The following JHY variants were observed in gnomAD, a reference collection of about 807,000 sequenced individuals.
JHY encodes jhy protein homolog.
JHY carries 69 observed loss-of-function variants against 78.0 expected under a neutral mutation model. The ratio of observed to expected loss-of-function variants is 0.88; its 90% CI spans 0.73 to 1.08. JHY has a LOEUF of 1.08. Among genes scored for constraint, JHY ranks in the 50% least tolerant of loss-of-function variants. The probability of loss-of-function intolerance (pLI) is 0.00; values close to 1 mark genes in which losing one functional copy is unlikely to be tolerated. For missense variants in JHY, 944 were observed against 927.8 expected, an observed-to-expected ratio of 1.02 and a Z score of -0.23; for synonymous variants, 368 against 342.6, an observed-to-expected ratio of 1.07 and a Z score of -0.82.
chr11:122,953,912 G>A (rs531021501), intron 6 of JHY, among the ~76,000 whole-genome samples: 16 of 152,270 alleles, frequency 1.1e-4, no homozygotes, highest in African/African-American at 3.9e-4. Flanking sequence ...TTCTAATGGG[G>A]CAAATTCTAT....
chr11:122,901,838 A>G (rs959574915), intron 2 of JHY, among the ~76,000 whole-genome samples: 7 of 151,470 alleles, frequency 4.6e-5, no homozygotes, highest in African/African-American at 1.7e-4. Context: ...GCGCCACTGC[A>G]CTCCAGCCTG....
At chr11:122,951,990 C>CTT (rs768377869) in intron 6 of JHY, among the ~76,000 whole-genome samples, 9 of 133,458 alleles carry the variant, frequency 6.7e-5, no homozygotes, top group African/African-American at 1.9e-4. Context: ...TGTTGATTTA[C>CTT]TTTTTTTTTT....
At position 122,934,935 on chromosome 11, in the gene JHY, A is replaced by G. The variant is rs1298885446; in HGVS notation, c.1494A>G (p.Glu498=). The part of the protein sequence containing the change: ...LSDMDLNNLN[E]LSKRHVLLSQ... ...ACATGGATTTGAACAACCTTAATGA[A>G]CTTTCTAAGAGACACGTGCTCCTGA... The change falls in exon 5 of 9, where the codon GAA becomes GAG. Residue 498 remains glutamate, a synonymous_variant. Coordinates refer to ENST00000227349, the MANE Select transcript of JHY (RefSeq NM_024806.4). The G allele has an allele frequency of 6.2e-7, 1 of 1,614,128 alleles. No homozygotes were observed. The highest frequency in any genetic ancestry group is 2.2e-5 in the East Asian group (1 of 44,872).
intron 6 of JHY, among the ~76,000 whole-genome samples, chr11:122,951,800 C>G (rs1864092220): frequency 6.6e-6 from 1 of 152,166 alleles, no homozygotes; most frequent in Non-Finnish European, 1.5e-5. Context: ...AGTGTGAACA[C>G]CAGTGCAGAG....
At chr11:122,952,672 C>A (rs1160951005) in intron 6 of JHY, among the ~76,000 whole-genome samples, 1 of 152,186 alleles carries the variant, frequency 6.6e-6, no homozygotes, top group African/African-American at 2.4e-5. Flanking sequence ...GGCAATTATT[C>A]ATGCATCACA....
chr11:122,961,889 G>A lies in JHY; in HGVS notation c.*2444G>A, dbSNP rs749617633. ...GTTCTAACAGAGCATCAAGACATTA[G>A]TTAGAAACCCTCCAACAAGTCCAGA... On this transcript the variant is annotated 3_prime_UTR_variant, in exon 9 of 9. Coordinates refer to ENST00000227349, the MANE Select transcript of JHY (RefSeq NM_024806.4). Among the ~76,000 whole-genome samples the A allele has an allele frequency of 6.6e-6, 1 of 152,152 alleles. No homozygotes were observed. Among genetic ancestry groups the A allele is most frequent in the Non-Finnish European group, 1.5e-5 (1 of 68,028 alleles).
intron 2 of JHY, among the ~76,000 whole-genome samples, chr11:122,893,414 T>G (rs1161872047): frequency 6.6e-6 from 1 of 152,210 alleles, no homozygotes; most frequent in East Asian, 1.9e-4. Flanking sequence ...CCAGAAATGC[T>G]AAAGCCATAG....
At chr11:122,950,116 G>C (rs1479524295) in intron 6 of JHY, among the ~76,000 whole-genome samples, 1 of 152,136 alleles carries the variant, frequency 6.6e-6, no homozygotes, top group Non-Finnish European at 1.5e-5. Context: ...TTACAGGTGT[G>C]AGCCACTGCG....
chr11:122,915,446 G>T (rs539291403), intron 3 of JHY, among the ~76,000 whole-genome samples: 1 of 152,168 alleles, frequency 6.6e-6, no homozygotes, highest in African/African-American at 2.4e-5. Flanking sequence ...GTCAGAGGGG[G>T]CCTCACACAA....
intron 7 of JHY, among the ~76,000 whole-genome samples, chr11:122,956,879 C>G (rs985360144): frequency 1.4e-4 from 21 of 152,242 alleles, no homozygotes; most frequent in African/African-American, 5.1e-4. Context: ...GTCTTTCCTA[C>G]TAGAGTTATC....
chr11:122,884,721 T>C (rs1286325741), intron 1 of JHY, among the ~76,000 whole-genome samples: 1 of 152,186 alleles, frequency 6.6e-6, no homozygotes, highest in African/African-American at 2.4e-5. Flanking sequence ...TAGCATCCCG[T>C]TCGGTAATGT....
intron 6 of JHY, among the ~76,000 whole-genome samples, chr11:122,955,216 G>A (rs1864163970): frequency 6.6e-6 from 1 of 152,142 alleles, no homozygotes; most frequent in African/African-American, 2.4e-5. Context: ...CGCTTCCCGG[G>A]TTCAAGCGAT....
At chr11:122,892,107 T>A (rs1862628855) in intron 2 of JHY, among the ~76,000 whole-genome samples, 1 of 152,142 alleles carries the variant, frequency 6.6e-6, no homozygotes, top group Admixed American at 6.6e-5. Flanking sequence ...TCAGCACTTG[T>A]CCTGGGAAAC....
chr11:122,954,174 G>A (rs1446123910), intron 6 of JHY, among the ~76,000 whole-genome samples: 1 of 152,198 alleles, frequency 6.6e-6, no homozygotes, highest in Non-Finnish European at 1.5e-5. Context: ...CAGTATTGTT[G>A]TGATTCTCCT....
intron 4 of JHY, among the ~76,000 whole-genome samples, chr11:122,928,331 A>G (rs1863556512): frequency 1.3e-5 from 2 of 152,160 alleles, no homozygotes; most frequent in African/African-American, 4.8e-5. Flanking sequence ...ATGCAGATAA[A>G]AAGATTATTT....
At chr11:122,958,619 A>G in intron 8 of JHY, 1 of 612,542 alleles carries the variant, frequency 1.6e-6, no homozygotes, top group Non-Finnish European at 2.0e-6. Context: ...ACATCTTACT[A>G]AAATGCAAAA....
At chr11:122,931,840 G>C (rs1256225809) in intron 4 of JHY, among the ~76,000 whole-genome samples, 1 of 152,066 alleles carries the variant, frequency 6.6e-6, no homozygotes, top group Non-Finnish European at 1.5e-5. Context: ...ACAGGGTCGG[G>C]GACAAACTTC....
chr11:122,962,487 A>G lies in JHY; in HGVS notation c.*3042A>G, dbSNP rs148189192. 1.3e-5 allele frequency among the ~76,000 whole-genome samples: 2 copies of G among 152,242 alleles called. No homozygotes were observed. Among genetic ancestry groups the G allele is most frequent in the South Asian group, 2.1e-4 (1 of 4,830 alleles). ...TTCAGTGGGATTTGGAAAATGTAAT[A>G]TATGAGGCATTAGACAGGAAAATCA... On this transcript the variant is annotated 3_prime_UTR_variant, in exon 9 of 9. Transcript: ENST00000227349.
chr11:122,905,200 G>C, intron 3 of JHY: 2 of 1,613,978 alleles, frequency 1.2e-6, no homozygotes, highest in Non-Finnish European at 1.7e-6. Flanking sequence ...TCTCTCCCAC[G>C]TGATGGATTC....
Sources: gnomAD v4.1 joint callset for allele counts (sites outside exome capture counted in the v4.1 genomes callset) on GRCh38, gnomAD v4.1.1 for gene constraint, MANE v1.5 for transcripts, NCBI Gene and HGNC (gene_info 2026-07-23, HGNC 2026-07-21) for gene names.